CARD19: variants seen among roughly 807,000 people sequenced by gnomAD.
CARD19 encodes the protein caspase recruitment domain family member 19.
Under a neutral mutation model 24.1 loss-of-function variants are expected in CARD19, and 25 were observed. The observed-to-expected ratio is 1.04, with a 90% confidence interval of 0.76 to 1.45. CARD19 has a LOEUF of 1.45. Ranked by LOEUF, CARD19 falls within the 40% of genes most tolerant of loss-of-function variation. CARD19 has a pLI of 0.00. For synonymous variants in CARD19, 103 were observed against 104.9 expected (o/e 0.98, Z 0.11); for missense variants, 241 against 247.4 (o/e 0.97, Z 0.17).
Position 93,096,345 on chromosome 9 carries a change from C to A in CARD19, c.-1C>A. 8.2e-7 allele frequency: 1 copy of A among 1,226,040 alleles called. No individual in the cohort carries two copies. Among genetic ancestry groups the A allele is most frequent in the Non-Finnish European group, 1.0e-6 (1 of 984,146 alleles). The allele number at this position is 1,226,040 out of a possible 1,614,324, so 75.9% of individuals were successfully genotyped here. Reference sequence around the variant, plus strand: ...CTGCGGGCGGCGCTGTGTCCGTCGCCATGACAGGTGGGCACGGGGTCGGCT... The same window carrying A: ...CTGCGGGCGGCGCTGTGTCCGTCGCAATGACAGGTGGGCACGGGGTCGGCT... On this transcript the variant is annotated 5_prime_UTR_variant, in exon 1 of 6. Transcript: ENST00000375464. The surrounding 1 kb of genome is among the most constrained non-coding windows in gnomAD (Gnocchi z 5.4).
At chr9:93,110,828 C>T (rs1347488471) in intron 3 of CARD19, 107 bp downstream of exon 3, 9 of 1,537,022 alleles carry the variant, frequency 5.9e-6, no homozygotes, top group Non-Finnish European at 7.0e-6. Context: ...AAGTCTGCTG[C>T]AGCCCAGGCC....
rs1249417916 is a variant in CARD19 at position 93,112,309 on chromosome 9, C to T, written c.436+20C>T. ...CGCCAGGTGGGTGCAAGCGGATCCT[C>T]ATGGGGCTGGGCCTGCCTCCCCTCT... On this transcript the variant is annotated intron_variant, in intron 5 of 5. Transcript: ENST00000375464. 6.5e-6 allele frequency: 10 copies of T among 1,540,404 alleles called. No homozygotes were observed. The highest frequency in any genetic ancestry group is 1.4e-5 in the African/African-American group (1 of 73,126).
At chr9:93,105,555 A>C (rs1186587019) in intron 1 of CARD19, among the ~76,000 whole-genome samples, 3 of 152,204 alleles carry the variant, frequency 2.0e-5, no homozygotes, top group African/African-American at 7.2e-5. Flanking sequence ...TGCTGTGATT[A>C]CAGGTGTGAG....
chr9:93,110,888 C>A (rs948153535), intron 3 of CARD19, 167 bp downstream of exon 3: 1 of 1,533,164 alleles, frequency 6.5e-7, no homozygotes, highest in Non-Finnish European at 8.7e-7. Context: ...CCTCTGGCCC[C>A]GAGGGGAGAG....
chr9:93,109,855 C>T (rs1393297478), intron 2 of CARD19: 11 of 152,256 alleles, frequency 7.2e-5, no homozygotes, highest in African/African-American at 2.7e-4. Context: ...TTCATTAATT[C>T]CCTGTCACAG....
At chr9:93,106,218 C>G (rs1468342899) in intron 1 of CARD19, among the ~76,000 whole-genome samples, 1 of 151,656 alleles carries the variant, frequency 6.6e-6, no homozygotes, top group Non-Finnish European at 1.5e-5. Flanking sequence ...TAAAGTGAGT[C>G]TTTTGTAGAC....
chr9:93,108,549 C>T (rs1293124796), intron 2 of CARD19, among the ~76,000 whole-genome samples: 6 of 152,152 alleles, frequency 3.9e-5, no homozygotes, highest in South Asian at 2.1e-4. Context: ...TGAGCTGAGC[C>T]GGGTAAACGC....
intron 1 of CARD19, among the ~76,000 whole-genome samples, chr9:93,098,163 A>C (rs1213185347): frequency 1.3e-5 from 2 of 152,232 alleles, no homozygotes; most frequent in Non-Finnish European, 2.9e-5. Context: ...TGGGCTGAGC[A>C]CTGAGAGAAG....
intron 1 of CARD19, among the ~76,000 whole-genome samples, chr9:93,099,729 C>T (rs892122421): frequency 2.6e-5 from 4 of 152,240 alleles, no homozygotes; most frequent in Admixed American, 6.5e-5. Flanking sequence ...TCAGCTTCCT[C>T]ACCATGATGG....
At chr9:93,106,035 T>C (rs1158515034) in intron 1 of CARD19, among the ~76,000 whole-genome samples, 1 of 152,260 alleles carries the variant, frequency 6.6e-6, no homozygotes, top group Non-Finnish European at 1.5e-5. Context: ...ATATTATTGA[T>C]GAATTTATCC....
chr9:93,101,193 T>A (rs1827066449), intron 1 of CARD19, among the ~76,000 whole-genome samples: 1 of 152,132 alleles, frequency 6.6e-6, no homozygotes, highest in South Asian at 2.1e-4. Context: ...TTCTCGTGCC[T>A]CAGCCCCCTG....
intron 2 of CARD19, among the ~76,000 whole-genome samples, chr9:93,109,276 A>G (rs892829024): frequency 6.6e-6 from 1 of 151,418 alleles, no homozygotes; most frequent in African/African-American, 2.4e-5. Context: ...CCTGCCACCC[A>G]TCTGCCTGCC....
At chr9:93,111,706 G>A in intron 3 of CARD19, 173 bp from the exon 4 acceptor site, 2 of 1,432,532 alleles carry the variant, frequency 1.4e-6, no homozygotes, top group African/African-American at 1.4e-5. Flanking sequence ...TGGAGCAGAG[G>A]AGAAGACCCA....
chr9:93,107,970 C>A (rs2130723681), intron 2 of CARD19, 154 bp downstream of exon 2: 1 of 1,041,094 alleles, frequency 9.6e-7, no homozygotes, highest in South Asian at 1.6e-5. Flanking sequence ...GACCTGGCTA[C>A]TAAGGCTGCC....
At chr9:93,097,446 C>T (rs761792895) in intron 1 of CARD19, among the ~76,000 whole-genome samples, 1 of 152,206 alleles carries the variant, frequency 6.6e-6, no homozygotes, top group Non-Finnish European at 1.5e-5. Context: ...TTTCTGAGCA[C>T]TTACTGTGCA....
intron 1 of CARD19, among the ~76,000 whole-genome samples, chr9:93,099,330 G>A (rs1031117869): frequency 6.6e-6 from 1 of 152,242 alleles, no homozygotes; most frequent in Admixed American, 6.5e-5. Context: ...GACTGCTGTA[G>A]CTGATTACAG....
At chr9:93,106,732 A>G (rs1311977427) in intron 1 of CARD19, among the ~76,000 whole-genome samples, 1 of 151,844 alleles carries the variant, frequency 6.6e-6, no homozygotes, top group African/African-American at 2.4e-5. Context: ...TGTTTTGTTG[A>G]TATTTTATAG....
intron 1 of CARD19, among the ~76,000 whole-genome samples, chr9:93,098,835 A>G (rs1056722338): frequency 6.6e-6 from 1 of 150,868 alleles, no homozygotes; most frequent in Non-Finnish European, 1.5e-5. Flanking sequence ...AAGCCACTAC[A>G]GGATGCTGGC....
intron 2 of CARD19, chr9:93,109,083 A>G (rs984262267): frequency 6.6e-6 from 1 of 152,240 alleles, no homozygotes; most frequent in Non-Finnish European, 1.5e-5. Flanking sequence ...GGGCCCTGCT[A>G]CTGGCTCAGG....
Sources: allele counts gnomAD v4.1 joint callset (sites outside exome capture counted in the v4.1 genomes callset), GRCh38; gene constraint gnomAD v4.1.1; non-coding constraint Gnocchi (gnomAD v3.1); transcripts MANE v1.5; gene names NCBI Gene and HGNC (gene_info 2026-07-23, HGNC 2026-07-21).